The following SORBS2 variants were observed in gnomAD, a reference collection of about 807,000 sequenced individuals.
The protein encoded by SORBS2 is sorbin and SH3 domain-containing protein 2.
A neutral mutation model predicts 97.7 loss-of-function variants in SORBS2; 46 were observed. The ratio of observed to expected loss-of-function variants is 0.47; its 90% CI spans 0.37 to 0.60. The LOEUF (loss-of-function observed/expected upper bound fraction) is 0.60. Among genes scored for constraint, SORBS2 ranks in the 20% least tolerant of loss-of-function variants. The pLI, the probability that SORBS2 is intolerant of heterozygous loss-of-function variation, is 0.00. For missense variants in SORBS2, 1,316 were observed against 1,282.3 expected, an observed-to-expected ratio of 1.03 and a Z score of -0.40; for synonymous variants, 476 against 473.4, an observed-to-expected ratio of 1.01 and a Z score of -0.07.
chr4:185,912,803 T>A (rs2099256043), intron 1 of SORBS2, among the ~76,000 whole-genome samples: 1 of 152,288 alleles, frequency 6.6e-6, no homozygotes, highest in South Asian at 2.1e-4. Flanking sequence ...AAATATTTGA[T>A]CTGCTGTCTA....
chr4:185,673,682 C>T (rs376891516), intron 4 of SORBS2, among the ~76,000 whole-genome samples: 8 of 152,216 alleles, frequency 5.3e-5, no homozygotes, highest in East Asian at 1.9e-4. Flanking sequence ...AACTGCTGCT[C>T]GGGGAGGGTG....
At chr4:185,596,688 C>A (rs941921164) in intron 12 of SORBS2, among the ~76,000 whole-genome samples, 1 of 151,944 alleles carries the variant, frequency 6.6e-6, no homozygotes, top group African/African-American at 2.4e-5. Context: ...GCACGCACCA[C>A]CGTGCCCAGC....
chr4:185,939,404 A>G (rs945490707), intron 1 of SORBS2, among the ~76,000 whole-genome samples: 2 of 152,164 alleles, frequency 1.3e-5, no homozygotes, highest in African/African-American at 4.8e-5. Flanking sequence ...ACCTTAACCA[A>G]AAAACAGTGT....
intron 7 of SORBS2, among the ~76,000 whole-genome samples, chr4:185,621,504 T>C (rs2096719304): frequency 6.6e-6 from 1 of 152,198 alleles, no homozygotes; most frequent in South Asian, 2.1e-4. Context: ...AGGTAGCTAA[T>C]TTATTAAAAA....
chr4:185,931,046 A>T lies in SORBS2; in HGVS notation c.-338+25150T>A, dbSNP rs79015842. Among the ~76,000 whole-genome samples, 13 of 152,338 alleles carry T rather than the reference A, an allele frequency of 8.5e-5. No homozygotes were observed. The South Asian group carries it at 2.1e-3, about 24-fold the overall frequency. On this transcript the variant is annotated intron_variant, in intron 1 of 20. Transcript: ENST00000284776. ...ACACATGAATATATTTAAAGTGATG[A>T]TATCTTCACTTTTTATGGTATAATT...
rs569611663 is a variant in SORBS2, at chr4:185,872,147, C to T, written c.-338+84049G>A. 3.3e-5 allele frequency among the ~76,000 whole-genome samples: 5 copies of T among 152,246 alleles called. No individual in the cohort carries two copies. In the South Asian group the frequency reaches 1.0e-3, roughly 32 times the overall value. On this transcript the variant is annotated intron_variant, in intron 1 of 20. Transcript: ENST00000284776. ...CTCATTTTCATGTTCTGAAGGCACC[C>T]TTAATAGAAACTCTGATTTTGTTTG... is the stretch of plus-strand genomic sequence containing the variant.
intron 2 of SORBS2, among the ~76,000 whole-genome samples, chr4:185,721,123 C>G (rs1398182294): frequency 3.3e-5 from 4 of 121,668 alleles, no homozygotes; most frequent in Non-Finnish European, 1.6e-5. Flanking sequence ...GAATCTCACT[C>G]TGTCGCCCTG....
At chr4:185,604,751 T>A (rs1270933155) in intron 12 of SORBS2, among the ~76,000 whole-genome samples, 1 of 152,080 alleles carries the variant, frequency 6.6e-6, no homozygotes, top group Non-Finnish European at 1.5e-5. Context: ...CGCATGGGGG[T>A]GGCTGGAGAT....
intron 2 of SORBS2, among the ~76,000 whole-genome samples, chr4:185,762,164 C>G (rs1319373624): frequency 1.3e-5 from 2 of 152,134 alleles, no homozygotes; most frequent in Admixed American, 1.3e-4. Context: ...TGAGTAGGGA[C>G]TAAGTTGGTA....
At chr4:185,850,298 A>G (rs2099217110) in intron 1 of SORBS2, among the ~76,000 whole-genome samples, 1 of 152,244 alleles carries the variant, frequency 6.6e-6, no homozygotes. Flanking sequence ...ACATGCCATG[A>G]GTTCTCAAGG....
intron 1 of SORBS2, among the ~76,000 whole-genome samples, chr4:185,922,474 A>G (rs1414687412): frequency 1.3e-5 from 2 of 152,196 alleles, no homozygotes; most frequent in African/African-American, 4.8e-5. Context: ...ATAGGAACGA[A>G]TCATGGAATT....
At chr4:185,848,110 A>G (rs2099215569) in intron 1 of SORBS2, among the ~76,000 whole-genome samples, 1 of 152,174 alleles carries the variant, frequency 6.6e-6, no homozygotes, top group Admixed American at 6.5e-5. Flanking sequence ...TTTAAGCTGC[A>G]GTCTCAGATA....
At chr4:185,786,788 C>A (rs1584824930) in intron 1 of SORBS2, among the ~76,000 whole-genome samples, 2 of 152,198 alleles carry the variant, frequency 1.3e-5, no homozygotes, top group Admixed American at 6.5e-5. Flanking sequence ...ATGGTGACAC[C>A]CTGTCTCTAC....
At chr4:185,865,212 G>GTT (rs1329663888) in intron 1 of SORBS2, among the ~76,000 whole-genome samples, 2 of 152,144 alleles carry the variant, frequency 1.3e-5, no homozygotes, top group African/African-American at 4.8e-5. Flanking sequence ...CATAAGTTTA[G>GTT]TTATCAACCT....
At chr4:185,838,084 C>A (rs747007522) in intron 1 of SORBS2, among the ~76,000 whole-genome samples, 22 of 152,330 alleles carry the variant, frequency 1.4e-4, no homozygotes, top group South Asian at 1.0e-3. Flanking sequence ...ACAGATGATG[C>A]TTTTCTAAGT....
At chr4:185,830,964 TC>T (rs780586492) in intron 1 of SORBS2, among the ~76,000 whole-genome samples, 6 of 152,226 alleles carry the variant, frequency 3.9e-5, no homozygotes, top group Non-Finnish European at 5.9e-5. Flanking sequence ...GTGACTTGGT[TC>T]TTTTTTATTT....
At chr4:185,698,493 A>T (rs1038805810) in intron 2 of SORBS2, among the ~76,000 whole-genome samples, 1 of 65,894 alleles carries the variant, frequency 1.5e-5, no homozygotes, top group African/African-American at 3.0e-5. Context: ...ACTCCATCTC[A>T]AAAAAATGAA....
intron 11 of SORBS2, among the ~76,000 whole-genome samples, chr4:185,613,938 A>G (rs935426525): frequency 6.6e-6 from 1 of 152,046 alleles, no homozygotes; most frequent in Non-Finnish European, 1.5e-5. Context: ...ACAAACCAGG[A>G]CTGTGGTATT....
intron 1 of SORBS2, among the ~76,000 whole-genome samples, chr4:185,869,250 T>C (rs1329305620): frequency 6.6e-6 from 1 of 152,186 alleles, no homozygotes; most frequent in African/African-American, 2.4e-5. Context: ...TTTCTTAATC[T>C]TTCTGACTCA....
Sources: gnomAD v4.1 joint callset for allele counts (sites outside exome capture counted in the v4.1 genomes callset) on GRCh38, gnomAD v4.1.1 for gene constraint, MANE v1.5 for transcripts, NCBI Gene and HGNC (gene_info 2026-07-23, HGNC 2026-07-21) for gene names.